The following MAN2A1 variants were observed in gnomAD, a reference collection of about 807,000 sequenced individuals.
MAN2A1 encodes alpha-mannosidase 2.
In MAN2A1, 76 loss-of-function variants were observed where a neutral mutation model predicts 142.6. The observed-to-expected ratio is 0.53, with a 90% CI of 0.44 to 0.65. The LOEUF (loss-of-function observed/expected upper bound fraction) is 0.65, where lower values mean the gene tolerates loss of function less well. MAN2A1 is among the 30% of genes least tolerant of loss of function. The pLI is 0.00. For synonymous variants in MAN2A1, 559 were observed against 473.2 expected, an observed-to-expected ratio of 1.18 and a Z score of -2.35; for missense variants, 1,311 against 1,365.1, an observed-to-expected ratio of 0.96 and a Z score of 0.62.
intron 17 of MAN2A1, among the ~76,000 whole-genome samples, chr5:109,843,623 A>G (rs1034643524): frequency 6.6e-6 from 1 of 152,232 alleles, no homozygotes; most frequent in Non-Finnish European, 1.5e-5. Context: ...ACAGACACAC[A>G]TGTATACATA....
chr5:109,799,954 A>T (rs1393124456), intron 12 of MAN2A1, among the ~76,000 whole-genome samples: 1 of 151,792 alleles, frequency 6.6e-6, no homozygotes, highest in Non-Finnish European at 1.5e-5. Context: ...CGGGAGTGGT[A>T]GCATGCACCT....
intron 4 of MAN2A1, among the ~76,000 whole-genome samples, chr5:109,732,293 T>G (rs1319847481): frequency 6.6e-6 from 1 of 151,792 alleles, no homozygotes. Flanking sequence ...TTGCAAAAAT[T>G]TTCTCCCATT....
chr5:109,864,048 A>C (rs562115975), intron 20 of MAN2A1: 103 of 152,328 alleles, frequency 6.8e-4, no homozygotes, highest in African/African-American at 2.4e-3. Flanking sequence ...TTCAGGAAAG[A>C]TGTCTCTTTA....
intron 1 of MAN2A1, among the ~76,000 whole-genome samples, chr5:109,713,059 A>G (rs923676750): frequency 2.0e-5 from 3 of 152,174 alleles, no homozygotes; most frequent in African/African-American, 7.2e-5. Flanking sequence ...TTTCTTATTT[A>G]GGATTATCCA....
Position 109,745,727 on chromosome 5 carries a change from C to G in MAN2A1, c.708-9602C>G, listed in dbSNP as rs1364706915. 3.3e-5 allele frequency among the ~76,000 whole-genome samples: 5 copies of G among 152,144 alleles called. No homozygotes were observed. In the South Asian group the frequency reaches 1.0e-3, roughly 32 times the overall value. On this transcript the variant is annotated intron_variant, in intron 4 of 21. Coordinates refer to ENST00000261483, the MANE Select transcript of MAN2A1 (RefSeq NM_002372.4). ...TCAAACTCCGGGCTCAAGTGATACTCTACCTCAGACTCCTGAGTAGCTAGG... is the reference window on the plus strand; with the variant it reads ...TCAAACTCCGGGCTCAAGTGATACTGTACCTCAGACTCCTGAGTAGCTAGG...
At chr5:109,781,671 G>T in intron 9 of MAN2A1, 73 bp downstream of exon 9, 3 of 980,100 alleles carry the variant, frequency 3.1e-6, no homozygotes, top group Non-Finnish European at 4.4e-6. Context: ...AGAGTTTTAC[G>T]TAATATACAT....
At position 109,784,893 on chromosome 5, in the gene MAN2A1, C is replaced by G. The variant is rs1370696705; in HGVS notation, c.1727C>G (p.Ala576Gly). The part of the protein sequence containing the change: ...FQHHDAITGT[A>G]KDWVVVDYGT... ...CATCATGATGCTATCACAGGAACTG[C>G]AAAAGACTGGGTGGTTGTGGATTAT... Residue 576 changes from alanine (A) to glycine (G), a missense_variant, in exon 10 of 22, where the codon GCA becomes GGA. Physicochemically the swap from Ala to Gly is moderately conservative, Grantham distance 60. Around this residue, in one of 3 missense-constraint regions of MAN2A1, gnomAD observed 890 missense variants for 920.5 expected, o/e 0.97. Transcript: ENST00000261483. The G allele has an allele frequency of 6.2e-7, 1 of 1,605,720 alleles. No individual in the cohort carries two copies. The highest frequency in any genetic ancestry group is 8.5e-7 in the Non-Finnish European group (1 of 1,177,452).
At chr5:109,812,291 C>G (rs1187875587) in intron 12 of MAN2A1, among the ~76,000 whole-genome samples, 2 of 151,866 alleles carry the variant, frequency 1.3e-5, no homozygotes, top group African/African-American at 2.4e-5. Context: ...TTGAATGTGT[C>G]TGACTCAAGA....
chr5:109,769,059 G>T (rs1019719190), intron 6 of MAN2A1, among the ~76,000 whole-genome samples: 1 of 152,146 alleles, frequency 6.6e-6, no homozygotes, highest in Non-Finnish European at 1.5e-5. Context: ...CAAAAGAGTA[G>T]CGCATAAGGA....
intron 16 of MAN2A1, among the ~76,000 whole-genome samples, chr5:109,827,474 G>A (rs754847266): frequency 2.0e-5 from 3 of 152,124 alleles, no homozygotes; most frequent in African/African-American, 4.8e-5. Context: ...AATCAAGAAC[G>A]ACAAGCAACA....
At chr5:109,773,110 T>C (rs1014250527) in intron 7 of MAN2A1, among the ~76,000 whole-genome samples, 1 of 152,192 alleles carries the variant, frequency 6.6e-6, no homozygotes, top group Non-Finnish European at 1.5e-5. Flanking sequence ...TGATGTTGGG[T>C]CAATTGATTT....
At chr5:109,792,773 G>A (rs1255890589) in intron 12 of MAN2A1, among the ~76,000 whole-genome samples, 1 of 152,068 alleles carries the variant, frequency 6.6e-6, no homozygotes, top group Non-Finnish European at 1.5e-5. Context: ...ATTGCTGAAA[G>A]TTAGTGCTCC....
At position 109,770,432 on chromosome 5, in the gene MAN2A1, G is replaced by A. The variant is rs1753112864; in HGVS notation, c.1087G>A (p.Asp363Asn). The A allele has an allele frequency of 1.2e-6, 2 of 1,614,010 alleles. No homozygotes were observed. The highest frequency in any genetic ancestry group is 2.7e-5 in the African/African-American group (2 of 75,042). The change falls in exon 7 of 22, where the codon GAT (aspartate) becomes AAT (asparagine). Residue 363 changes from aspartate (D) to asparagine (N), a missense_variant. By Grantham distance (23) the Asp-to-Asn change is conservative (BLOSUM62 1). This residue lies in a region of MAN2A1 where 12 missense variants were observed against 31.9 expected (regional missense o/e 0.38). Transcript: ENST00000261483. ...TGACATCCCTCACACTTGTGGACCT[G>A]ATCCTAAAATATGCTGCCAGTTTGA... ...SYDIPHTCGP[D>N]PKICCQFDFK... is the part of the protein sequence containing the mutation.
Position 109,867,559 on chromosome 5 carries a change from A to G in MAN2A1, c.*561A>G, listed in dbSNP as rs1438406837. On this transcript the variant is annotated 3_prime_UTR_variant, in exon 22 of 22. Coordinates refer to ENST00000261483, the MANE Select transcript of MAN2A1 (RefSeq NM_002372.4). ...TGATTTTTATACCTTTTTCTGATGTACCTCTTGACCTTCTCCTTCCCTTCC... is the reference window on the plus strand; with the variant it reads ...TGATTTTTATACCTTTTTCTGATGTGCCTCTTGACCTTCTCCTTCCCTTCC... 6.6e-6 allele frequency: 1 copy of G among 152,558 alleles called. No individual in the cohort carries two copies. Among genetic ancestry groups the G allele is most frequent in the Admixed American group, 6.5e-5 (1 of 15,274 alleles). 9.5% of individuals were successfully genotyped at this position (152,558 alleles called of 1,614,324 possible). A position where few individuals can be genotyped will look rare whatever the true frequency, so the allele number is the denominator to read the frequency against.
chr5:109,719,585 G>C (rs1751547351), intron 3 of MAN2A1, among the ~76,000 whole-genome samples: 1 of 152,102 alleles, frequency 6.6e-6, no homozygotes, highest in African/African-American at 2.4e-5. Context: ...GATTTATAGA[G>C]ATTTGTTTGC....
At chr5:109,827,855 A>T (rs1372808527) in intron 16 of MAN2A1, among the ~76,000 whole-genome samples, 1 of 152,178 alleles carries the variant, frequency 6.6e-6, no homozygotes, top group East Asian at 1.9e-4. Flanking sequence ...TAATTCCAGC[A>T]CTTTGGGAGG....
intron 12 of MAN2A1, among the ~76,000 whole-genome samples, chr5:109,808,715 T>C (rs1754238527): frequency 6.6e-6 from 1 of 150,434 alleles, no homozygotes; most frequent in Non-Finnish European, 1.5e-5. Flanking sequence ...TTTTTTTTTT[T>C]TTTTTTGAGA....
At chr5:109,790,953 A>G (rs1753723240) in intron 12 of MAN2A1, among the ~76,000 whole-genome samples, 1 of 152,080 alleles carries the variant, frequency 6.6e-6, no homozygotes, top group Non-Finnish European at 1.5e-5. Flanking sequence ...GCAAACAATA[A>G]TTGATAATTT....
At chr5:109,690,854 CG>C (rs1187496329) in intron 1 of MAN2A1, among the ~76,000 whole-genome samples, 3 of 152,076 alleles carry the variant, frequency 2.0e-5, no homozygotes, top group Non-Finnish European at 4.4e-5. Flanking sequence ...CACCTGCTGG[CG>C]GGGGAACGGG....
Sources: allele counts gnomAD v4.1 joint callset (sites outside exome capture counted in the v4.1 genomes callset), GRCh38; gene constraint gnomAD v4.1.1; regional missense constraint gnomAD v4.1.1; transcripts MANE v1.5; gene names NCBI Gene and HGNC (gene_info 2026-07-23, HGNC 2026-07-21).